The following COL4A4 variants were observed in gnomAD, a reference collection of about 807,000 sequenced individuals.
The protein encoded by COL4A4 is collagen type IV alpha 4 chain, also known as collagen alpha-4(IV) chain.
Under a neutral mutation model 192.9 loss-of-function variants are expected in COL4A4, and 105 were observed. The ratio of observed to expected loss-of-function variants is 0.54; its 90% CI spans 0.46 to 0.64. COL4A4 has a LOEUF of 0.64. COL4A4 is among the 30% of genes least tolerant of loss of function. The probability of loss-of-function intolerance (pLI) is 0.00; values close to 1 mark genes in which losing one functional copy is unlikely to be tolerated. For synonymous variants in COL4A4, 762 were observed against 769.9 expected, an observed-to-expected ratio of 0.99 and a Z score of 0.17; for missense variants, 1,967 against 2,169.3, an observed-to-expected ratio of 0.91 and a Z score of 1.85.
At chr2:227,155,789 C>G (rs79056244) in intron 1 of COL4A4, among the ~76,000 whole-genome samples, 7,465 of 152,190 alleles carry the variant, frequency 0.049, 238 homozygotes, top group Admixed American at 0.088. Context: ...CTCATGGTTA[C>G]TGAATAAAAG....
intron 22 of COL4A4, among the ~76,000 whole-genome samples, chr2:227,087,434 C>T (rs1433438280): frequency 6.6e-6 from 1 of 152,166 alleles, no homozygotes; most frequent in South Asian, 2.1e-4. Context: ...CCACTCCTTC[C>T]ATCGCCTTCC....
intron 25 of COL4A4, among the ~76,000 whole-genome samples, chr2:227,075,677 CA>C (rs771865456): frequency 6.6e-5 from 10 of 152,206 alleles, no homozygotes; most frequent in South Asian, 2.1e-4. Context: ...AGCATTCAAA[CA>C]GGAAGAGAGG....
chr2:227,041,024 T>C (rs1576005433), intron 37 of COL4A4, among the ~76,000 whole-genome samples: 1 of 152,244 alleles, frequency 6.6e-6, no homozygotes, highest in South Asian at 2.1e-4. Flanking sequence ...CTATTGCCTT[T>C]ACAGACCAAG....
intron 17 of COL4A4, 89 bp downstream of exon 17, chr2:227,101,415 G>T: frequency 9.5e-7 from 1 of 1,057,802 alleles, no homozygotes; most frequent in Non-Finnish European, 1.4e-6. Flanking sequence ...ATTCTTGAAT[G>T]ATTCCTGGCA....
intron 36 of COL4A4, 63 bp downstream of exon 36, chr2:227,043,014 G>T: frequency 8.2e-7 from 1 of 1,212,318 alleles, no homozygotes. Flanking sequence ...AAGACTGGTG[G>T]TTTCTGAAAC....
the COL4A4 span, chr2:226,995,331 G>A: frequency 2.8e-6 from 2 of 718,376 alleles, no homozygotes; most frequent in African/African-American, 1.8e-5. Flanking sequence ...TTAAAATGAA[G>A]ATGACACCCA....
At chr2:227,042,097 G>T in intron 37 of COL4A4, 51 bp downstream of exon 37, 4 of 1,092,630 alleles carry the variant, frequency 3.7e-6, no homozygotes, top group Middle Eastern at 2.0e-4. Context: ...CCATCAATTT[G>T]CCCTCATTGG....
rs113306091 is a variant in COL4A4, at chr2:227,161,429, A to T, written c.-102+2578T>A. 5.9e-3 allele frequency among the ~76,000 whole-genome samples: 900 copies of T among 152,348 alleles called. 14 individuals carry two copies. Among genetic ancestry groups the T allele is most frequent in the African/African-American group, 0.019 (804 of 41,572 alleles). ...TGTGTCCTTTGAATGTACGAAAAGA[A>T]CCATCCTCCTTTCCTCTTGCTGTTT... is the stretch of plus-strand genomic sequence containing the variant. On this transcript the variant is annotated intron_variant, in intron 1 of 47. Coordinates refer to ENST00000396625, the MANE Select transcript of COL4A4 (RefSeq NM_000092.5).
intron 2 of COL4A4, among the ~76,000 whole-genome samples, chr2:227,146,923 C>T (rs954171757): frequency 1.3e-5 from 2 of 152,188 alleles, no homozygotes; most frequent in African/African-American, 4.8e-5. Flanking sequence ...AGGTCAACTC[C>T]TCTATCTCAA....
intron 7 of COL4A4, among the ~76,000 whole-genome samples, chr2:227,115,261 C>T (rs1416310668): frequency 1.4e-5 from 2 of 146,242 alleles, no homozygotes; most frequent in Admixed American, 1.4e-4. Context: ...TAATATCCTA[C>T]TTTAATTCTT....
intron 1 of COL4A4, among the ~76,000 whole-genome samples, chr2:227,163,151 T>C (rs1047690501): frequency 6.6e-6 from 1 of 152,358 alleles, no homozygotes; most frequent in African/African-American, 2.4e-5. Context: ...GAAACTCACA[T>C]AGGAAAATAA....
intron 20 of COL4A4, among the ~76,000 whole-genome samples, chr2:227,091,888 T>C (rs906170053): frequency 7.0e-6 from 1 of 142,516 alleles, no homozygotes; most frequent in Non-Finnish European, 1.5e-5. Context: ...AGTAACACTC[T>C]GTCTCAGGAA....
At chr2:227,067,845 G>A (rs1019049303) in intron 25 of COL4A4, among the ~76,000 whole-genome samples, 2 of 148,740 alleles carry the variant, frequency 1.3e-5, no homozygotes, top group Non-Finnish European at 3.0e-5. Flanking sequence ...AAAGCTAGCA[G>A]AAGGCAAGAA....
rs372991861 is a variant in COL4A4, at chr2:227,109,304, C to T, written c.595-18G>A. 1.4e-5 allele frequency: 23 copies of T among 1,608,228 alleles called. No homozygotes were observed. In the African/African-American group the frequency reaches 2.9e-4, roughly 21 times the overall value. Reference sequence around the variant, plus strand: ...CAAGATCCCTAAACATGAGAAAAATCAGTGCATCTGTTACCCAAAATTGTA... The same window carrying T: ...CAAGATCCCTAAACATGAGAAAAATTAGTGCATCTGTTACCCAAAATTGTA... On this transcript the variant is annotated intron_variant, in intron 9 of 47. Transcript: ENST00000396625.
chr2:227,050,896 G>A, intron 33 of COL4A4, 81 bp downstream of exon 33: 2 of 1,550,626 alleles, frequency 1.3e-6, no homozygotes, highest in Non-Finnish European at 8.9e-7. Flanking sequence ...TATATACGCT[G>A]GCAAATTATA....
intron 19 of COL4A4, among the ~76,000 whole-genome samples, chr2:227,094,963 G>A (rs1489216267): frequency 2.0e-5 from 3 of 152,120 alleles, no homozygotes; most frequent in Admixed American, 2.0e-4. Context: ...CGTAAAGCAG[G>A]AGTTATAATA....
In COL4A4 at chr2:227,102,838, C is replaced by T. The variant is rs2150788315; in HGVS notation, c.881G>A (p.Gly294Asp). 2 of 1,613,252 alleles carry T rather than the reference C, an allele frequency of 1.2e-6. No homozygotes were observed. Among genetic ancestry groups the T allele is most frequent in the East Asian group, 2.2e-5 (1 of 44,860 alleles). Residue 294 changes from glycine to aspartate, a missense_variant, in exon 15 of 48, where the codon GGT (glycine) becomes GAT (aspartate). Gly to Asp is a moderately conservative substitution (Grantham distance 94). Transcript: ENST00000396625. ...ACCTTTTTCTCCTTTTGCCCCAATA[C>T]CAGATTCTCCCTTTAAGAGATGACA... ...PGPPGRKGES[G>D]IGAKGEKGIP...
At chr2:227,047,574 C>G in intron 34 of COL4A4, 25 bp from the exon 35 acceptor site, 1 of 1,551,496 alleles carries the variant, frequency 6.4e-7, no homozygotes, top group Non-Finnish European at 8.9e-7. Flanking sequence ...ATGCATGTGA[C>G]ATTACTTTAG....
intron 36 of COL4A4, among the ~76,000 whole-genome samples, 175 bp from the exon 37 acceptor site, chr2:227,042,430 T>C (rs940976338): frequency 3.9e-5 from 6 of 152,194 alleles, no homozygotes; most frequent in Non-Finnish European, 7.4e-5. Context: ...GAGGAGAAAA[T>C]ACATTTCCAA....
Sources: allele counts gnomAD v4.1 joint callset (sites outside exome capture counted in the v4.1 genomes callset), GRCh38; gene constraint gnomAD v4.1.1; transcripts MANE v1.5; gene names NCBI Gene and HGNC (gene_info 2026-07-23, HGNC 2026-07-21).